Variants in HYAL4 observed in about 807,000 individuals in gnomAD.
HYAL4 encodes hyaluronidase 4.
In HYAL4, 37 loss-of-function variants were observed where a neutral mutation model predicts 35.2. The observed-to-expected ratio is 1.05, with a 90% CI of 0.81 to 1.38. HYAL4 has a LOEUF of 1.38. Among genes scored for constraint, HYAL4 ranks in the 40% most tolerant of loss-of-function variants. The pLI is 0.00. For synonymous variants in HYAL4, 198 were observed against 203.2 expected, an observed-to-expected ratio of 0.97 and a Z score of 0.22; for missense variants, 572 against 572.4, an observed-to-expected ratio of 1.00 and a Z score of 0.01.
chr7:123,808,674 C>G, the HYAL4 span, among the ~76,000 whole-genome samples: 8 of 152,262 alleles, frequency 5.3e-5, no homozygotes, highest in South Asian at 1.7e-3. Flanking sequence ...TACCAATGGT[C>G]TTAGTCTGTT....
At chr7:123,847,095 A>G (rs914440626) in intron 1 of HYAL4, among the ~76,000 whole-genome samples, 9 of 152,162 alleles carry the variant, frequency 5.9e-5, no homozygotes, top group South Asian at 4.1e-4. Flanking sequence ...AAAGTTCACA[A>G]CGTGAGTCTC....
the HYAL4 span, among the ~76,000 whole-genome samples, chr7:123,820,526 T>C: frequency 6.7e-6 from 1 of 150,302 alleles, no homozygotes; most frequent in African/African-American, 2.5e-5. Flanking sequence ...GAGTTGGCGG[T>C]GAGTCAAGAT....
chr7:123,807,973 C>T, the HYAL4 span, among the ~76,000 whole-genome samples: 7 of 146,836 alleles, frequency 4.8e-5, no homozygotes, highest in African/African-American at 1.5e-4. Context: ...CAGACTCCCA[C>T]TGTGTTTCCC....
intron 1 of HYAL4, among the ~76,000 whole-genome samples, chr7:123,847,018 G>A (rs1309811134): frequency 2.0e-5 from 3 of 152,098 alleles, no homozygotes; most frequent in Admixed American, 6.6e-5. Flanking sequence ...GGAGCATTCC[G>A]CTTCCTTCAG....
intron 2 of HYAL4, among the ~76,000 whole-genome samples, chr7:123,849,870 T>G (rs1197921063): frequency 6.6e-6 from 1 of 151,318 alleles, no homozygotes; most frequent in African/African-American, 2.4e-5. Context: ...CTCTCACAAA[T>G]AACAAAAAAC....
chr7:123,778,163 A>G, the HYAL4 span, among the ~76,000 whole-genome samples: 37 of 48,220 alleles, frequency 7.7e-4, no homozygotes, highest in Admixed American at 1.2e-3. Flanking sequence ...CTGTCTGTCT[A>G]TCTATCTATC....
At chr7:123,796,236 G>T in the HYAL4 span, among the ~76,000 whole-genome samples, 1 of 152,190 alleles carries the variant, frequency 6.6e-6, no homozygotes, top group South Asian at 2.1e-4. Flanking sequence ...ACAGACAACT[G>T]TGGAGCCTCA....
At chr7:123,860,377 AT>A (rs1480848356) in intron 2 of HYAL4, among the ~76,000 whole-genome samples, 2 of 152,084 alleles carry the variant, frequency 1.3e-5, no homozygotes, top group Non-Finnish European at 2.9e-5. Flanking sequence ...TACATATGTA[AT>A]TTGTGTGTGT....
intron 2 of HYAL4, among the ~76,000 whole-genome samples, chr7:123,864,993 AC>A: frequency 6.6e-6 from 1 of 152,018 alleles, no homozygotes; most frequent in East Asian, 2.0e-4. Flanking sequence ...TGTAAGGTGC[AC>A]CTCCAGTTCA....
chr7:123,791,118 T>A, the HYAL4 span, among the ~76,000 whole-genome samples: 2 of 152,206 alleles, frequency 1.3e-5, no homozygotes, highest in African/African-American at 4.8e-5. Flanking sequence ...ATATTCTGTT[T>A]ATGCTGGTAA....
chr7:123,808,084 T>G, the HYAL4 span, among the ~76,000 whole-genome samples: 10 of 151,848 alleles, frequency 6.6e-5, no homozygotes, highest in Non-Finnish European at 1.2e-4. Context: ...CAGCCAGGGC[T>G]CAAGCTTTCG....
At chr7:123,776,301 G>C in the HYAL4 span, among the ~76,000 whole-genome samples, 4 of 152,318 alleles carry the variant, frequency 2.6e-5, no homozygotes, top group African/African-American at 4.8e-5. Flanking sequence ...ATGCATGGGA[G>C]CCTGGGAGCT....
chr7:123,771,232 T>C, the HYAL4 span, among the ~76,000 whole-genome samples: 2 of 152,234 alleles, frequency 1.3e-5, no homozygotes, highest in Non-Finnish European at 2.9e-5. Flanking sequence ...TCATCTTGCT[T>C]GGTACGATGT....
chr7:123,864,528 G>T (rs1289772049), intron 2 of HYAL4, among the ~76,000 whole-genome samples: 8 of 152,124 alleles, frequency 5.3e-5, no homozygotes, highest in Non-Finnish European at 7.4e-5. Flanking sequence ...GAAAAGGAAG[G>T]TTGCTATTGC....
the HYAL4 span, among the ~76,000 whole-genome samples, chr7:123,800,143 A>G: frequency 6.6e-6 from 1 of 150,932 alleles, no homozygotes; most frequent in Non-Finnish European, 1.5e-5. Flanking sequence ...AGCTTGGGCA[A>G]CAAAGAAAGA....
At chr7:123,875,550 G>A (rs1379519989) in intron 4 of HYAL4, among the ~76,000 whole-genome samples, 2 of 151,488 alleles carry the variant, frequency 1.3e-5, no homozygotes, top group African/African-American at 2.4e-5. Context: ...CCAGCTGCTC[G>A]GGAGGCTGAG....
chr7:123,778,298 T>C, the HYAL4 span, among the ~76,000 whole-genome samples: 18 of 152,148 alleles, frequency 1.2e-4, no homozygotes, highest in Non-Finnish European at 2.5e-4. Flanking sequence ...GTGTATTCTT[T>C]TATAAAATCA....
the HYAL4 span, among the ~76,000 whole-genome samples, chr7:123,770,278 T>C: frequency 6.6e-6 from 1 of 151,738 alleles, no homozygotes; most frequent in African/African-American, 2.4e-5. Flanking sequence ...CCGTCTCTAC[T>C]AAAAATACAA....
intron 2 of HYAL4, among the ~76,000 whole-genome samples, chr7:123,863,426 G>A (rs1449142634): frequency 6.6e-6 from 1 of 152,214 alleles, no homozygotes; most frequent in East Asian, 1.9e-4. Context: ...GGGAAGGGAG[G>A]GTGCACACCA....
Sources: allele counts gnomAD v4.1 joint callset (sites outside exome capture counted in the v4.1 genomes callset), GRCh38; gene constraint gnomAD v4.1.1; transcripts MANE v1.5; gene names NCBI Gene and HGNC (gene_info 2026-07-23, HGNC 2026-07-21).